AEBP2: variants seen among roughly 807,000 people sequenced by gnomAD.
AEBP2 encodes zinc finger protein AEBP2.
AEBP2 carries 10 observed loss-of-function variants against 50.8 expected under a neutral mutation model. The ratio of observed to expected loss-of-function variants is 0.20; its 90% confidence interval spans 0.12 to 0.33. The LOEUF is 0.33. Among genes scored for constraint, AEBP2 ranks in the 10% least tolerant of loss-of-function variants. The pLI, the probability that AEBP2 is intolerant of heterozygous loss-of-function variation, is 1.00. For synonymous variants in AEBP2, 296 were observed against 261.3 expected (o/e 1.13, Z -1.28); for missense variants, 570 against 688.0 (o/e 0.83, Z 1.92).
chr12:19,491,599 A>G (rs776047079), intron 3 of AEBP2, among the ~76,000 whole-genome samples: 1 of 152,170 alleles, frequency 6.6e-6, no homozygotes, highest in African/African-American at 2.4e-5. Flanking sequence ...AGTGTGCACC[A>G]TAGAGTAAGT....
intron 1 of AEBP2, among the ~76,000 whole-genome samples, chr12:19,460,177 A>G (rs918891721): frequency 6.6e-6 from 1 of 152,168 alleles, no homozygotes; most frequent in African/African-American, 2.4e-5. Flanking sequence ...CCACCGCACT[A>G]TAGGCTTGGC....
In AEBP2 at chr12:19,521,631, T is replaced by G. The variant is rs1182454093; in HGVS notation, c.*3514T>G. 1 of 152,126 alleles carries G rather than the reference T, an allele frequency of 6.6e-6. No individual in the cohort carries two copies. The highest frequency in any genetic ancestry group is 1.5e-5 in the Non-Finnish European group (1 of 68,006). 9.4% of individuals were successfully genotyped at this position (152,126 alleles called of 1,614,324 possible). On this transcript the variant is annotated 3_prime_UTR_variant, in exon 8 of 8. Coordinates refer to ENST00000266508, the MANE Select transcript of AEBP2 (RefSeq NM_153207.5). Reference sequence around the variant, plus strand: ...ATTAAAGATGGACAATAATTATCTCTCAATATTTTAAGATTTGTTTTACTA... The same window carrying G: ...ATTAAAGATGGACAATAATTATCTCGCAATATTTTAAGATTTGTTTTACTA...
At chr12:19,431,479 C>T (rs2095751411) in intron 1 of AEBP2, among the ~76,000 whole-genome samples, 2 of 152,132 alleles carry the variant, frequency 1.3e-5, no homozygotes, top group African/African-American at 4.8e-5. Context: ...GGCAGCTATG[C>T]TATTCACCTT....
chr12:19,466,739 T>C, intron 2 of AEBP2: 1 of 947,590 alleles, frequency 1.1e-6, no homozygotes, highest in Non-Finnish European at 1.3e-6. Context: ...TTCTTCTTTC[T>C]CTCTTAAGTG....
At chr12:19,440,955 T>G (rs545128091) in intron 1 of AEBP2, among the ~76,000 whole-genome samples, 1 of 152,248 alleles carries the variant, frequency 6.6e-6, no homozygotes, top group African/African-American at 2.4e-5. Flanking sequence ...AACGTGATTT[T>G]AACAATCTTT....
chr12:19,439,878 ACGGCGGCAGCGGTGGGGGCGGCGGAGG>A lies in AEBP2; in HGVS notation c.187_213del (p.Ser63_Gly71del). On this transcript the variant is annotated inframe_deletion, in exon 1 of 8. Coordinates refer to ENST00000266508, the MANE Select transcript of AEBP2 (RefSeq NM_153207.5). ...GAGGCGGTGGCGGCGCTGCTGCTGA[ACGGCGGCAGCGGTGGGGGCGGCGGAGG>A]CGGCGGCGGAGGAGTGGGGGGCGGC... 6.8e-7 allele frequency: 1 copy of A among 1,480,434 alleles called. No homozygotes were observed. The highest frequency in any genetic ancestry group is 8.9e-7 in the Non-Finnish European group (1 of 1,125,190). 91.7% of individuals were successfully genotyped at this position (1,480,434 alleles called of 1,614,324 possible).
intron 4 of AEBP2, among the ~76,000 whole-genome samples, chr12:19,494,498 CTTTTTTTT>C (rs747750453): frequency 9.5e-5 from 11 of 115,870 alleles, no homozygotes; most frequent in African/African-American, 3.7e-4. Context: ...AGCAGTGTTG[CTTTTTTTT>C]TTTTTTTTTT....
intron 1 of AEBP2, among the ~76,000 whole-genome samples, chr12:19,404,541 G>C (rs1432304323): frequency 1.3e-5 from 2 of 152,114 alleles, no homozygotes; most frequent in African/African-American, 2.4e-5. Flanking sequence ...TGTTCACAGT[G>C]TGAATCTCTA....
At chr12:19,449,742 A>G (rs542621322) in intron 1 of AEBP2, among the ~76,000 whole-genome samples, 2 of 152,352 alleles carry the variant, frequency 1.3e-5, no homozygotes, top group East Asian at 3.8e-4. Context: ...GGTTTTGGCT[A>G]ATGATTTTTA....
At chr12:19,452,961 C>CTTTTTTTTT (rs34876719) in intron 1 of AEBP2, among the ~76,000 whole-genome samples, 13 of 106,924 alleles carry the variant, frequency 1.2e-4, no homozygotes, top group Admixed American at 3.6e-4. Context: ...GACTTACGTT[C>CTTTTTTTTT]TTTTTTTTTT....
chr12:19,480,994 T>TC (rs1948719986), intron 3 of AEBP2, among the ~76,000 whole-genome samples: 1 of 152,012 alleles, frequency 6.6e-6, no homozygotes, highest in Non-Finnish European at 1.5e-5. Context: ...TTTTTAAGTG[T>TC]CTTTTCTTTG....
At chr12:19,442,150 G>C (rs1313736841) in intron 1 of AEBP2, among the ~76,000 whole-genome samples, 1 of 152,162 alleles carries the variant, frequency 6.6e-6, no homozygotes, top group African/African-American at 2.4e-5. Flanking sequence ...GCTCAGGCCT[G>C]TTAACCCCAG....
chr12:19,518,284 G>C lies in AEBP2; in HGVS notation c.*167G>C. On this transcript the variant is annotated 3_prime_UTR_variant, in exon 8 of 8. Transcript: ENST00000266508. Reference sequence around the variant, plus strand: ...TATTTATGCTTAGTGTAAACATTCTGTGAATGAAGTAGACTCTTCGGTGGA... The same window carrying C: ...TATTTATGCTTAGTGTAAACATTCTCTGAATGAAGTAGACTCTTCGGTGGA... 1.6e-6 allele frequency: 2 copies of C among 1,276,022 alleles called. No individual in the cohort carries two copies. Among genetic ancestry groups the C allele is most frequent in the South Asian group, 2.2e-5 (1 of 44,916 alleles). The allele number at this position is 1,276,022 out of a possible 1,614,324, so 79.0% of individuals were successfully genotyped here.
chr12:19,482,356 T>C (rs768468530), intron 3 of AEBP2, among the ~76,000 whole-genome samples: 6 of 152,180 alleles, frequency 3.9e-5, no homozygotes, highest in Non-Finnish European at 8.8e-5. Flanking sequence ...GTTGTAGATA[T>C]GTTGAGTGTA....
intron 4 of AEBP2, among the ~76,000 whole-genome samples, chr12:19,494,875 T>C (rs915681610): frequency 2.0e-5 from 3 of 152,106 alleles, no homozygotes; most frequent in Admixed American, 6.5e-5. Flanking sequence ...ACTGCTTCTT[T>C]GTGTCAGCTG....
chr12:19,494,459 C>T (rs1332699907), intron 4 of AEBP2, among the ~76,000 whole-genome samples: 1 of 151,098 alleles, frequency 6.6e-6, no homozygotes, highest in Non-Finnish European at 1.5e-5. Context: ...CAAAAAAAAC[C>T]ACCACAAAGC....
At chr12:19,440,739 C>T (rs181550300) in intron 1 of AEBP2, 154 of 1,533,424 alleles carry the variant, frequency 1.0e-4, no homozygotes, top group Non-Finnish European at 1.3e-4. Flanking sequence ...TTAGCTTCTT[C>T]CAACCGTGTT....
chr12:19,482,430 C>G (rs1948744017), intron 3 of AEBP2, among the ~76,000 whole-genome samples: 1 of 152,220 alleles, frequency 6.6e-6, no homozygotes, highest in African/African-American at 2.4e-5. Flanking sequence ...CTCAGGACCT[C>G]TGGTTGGCCA....
Position 19,500,212 on chromosome 12 carries a change from T to C in AEBP2, c.1290T>C (p.Phe430=), listed in dbSNP as rs933003327. The C allele has an allele frequency of 1.0e-5, 16 of 1,539,190 alleles. No homozygotes were observed. In the African/African-American group the frequency reaches 2.2e-4, roughly 21 times the overall value. Residue 430 remains phenylalanine (F), a synonymous_variant, in exon 5 of 8, where the codon TTT becomes TTC. Transcript: ENST00000266508. The stretch of plus-strand genomic sequence containing the variant: ...TAGGGAAGGGACACAGTGTTGTTTT[T>C]CATAGTACTGTAAGTATTCTTTTAT... ...ESLGKGHSVV[F]HSTVIAKRKE... is the part of the protein sequence containing the mutation.
Sources: gnomAD v4.1 joint callset for allele counts (sites outside exome capture counted in the v4.1 genomes callset) on GRCh38, gnomAD v4.1.1 for gene constraint, MANE v1.5 for transcripts, NCBI Gene and HGNC (gene_info 2026-07-23, HGNC 2026-07-21) for gene names.